GPR149: variants seen among roughly 807,000 people sequenced by gnomAD.
GPR149 encodes probable G protein-coupled receptor 149.
In GPR149, 50 loss-of-function variants were observed where a neutral mutation model predicts 50.2. The observed-to-expected ratio is 1.00, with a 90% CI of 0.79 to 1.26. The LOEUF (loss-of-function observed/expected upper bound fraction) is 1.26. Among genes scored for constraint, GPR149 ranks in the 50% most tolerant of loss-of-function variants. The probability of loss-of-function intolerance (pLI) is 0.00; values close to 1 mark genes in which losing one functional copy is unlikely to be tolerated. For missense variants in GPR149, 983 were observed against 895.4 expected (o/e 1.10, Z -1.25); for synonymous variants, 405 against 358.2 (o/e 1.13, Z -1.48).
chr3:154,428,183 G>C (rs1712363997), intron 1 of GPR149, among the ~76,000 whole-genome samples: 1 of 152,144 alleles, frequency 6.6e-6, no homozygotes, highest in Non-Finnish European at 1.5e-5. Flanking sequence ...CTCCACAACT[G>C]ATCTCTCCTC....
chr3:154,367,654 C>T (rs1173928242), intron 3 of GPR149, among the ~76,000 whole-genome samples: 1 of 152,208 alleles, frequency 6.6e-6, no homozygotes, highest in South Asian at 2.1e-4. Context: ...GGGACACCTT[C>T]CATGCTGTGG....
intron 3 of GPR149, among the ~76,000 whole-genome samples, chr3:154,338,746 C>T (rs1279234259): frequency 6.6e-6 from 1 of 151,814 alleles, no homozygotes. Context: ...AATTGTGAAA[C>T]GGTGGCTTAA....
intron 3 of GPR149, among the ~76,000 whole-genome samples, chr3:154,363,532 A>AT (rs772694076): frequency 2.0e-5 from 3 of 152,064 alleles, no homozygotes; most frequent in Non-Finnish European, 4.4e-5. Flanking sequence ...TTCAACCTTG[A>AT]GCCCATTTAT....
intron 2 of GPR149, among the ~76,000 whole-genome samples, chr3:154,421,743 T>C (rs1488395123): frequency 2.0e-5 from 3 of 151,880 alleles, no homozygotes; most frequent in African/African-American, 7.2e-5. Context: ...TTTCAGTCTC[T>C]AAAGAAGCCT....
chr3:154,356,451 T>C (rs1382159229), intron 3 of GPR149, among the ~76,000 whole-genome samples: 1 of 152,138 alleles, frequency 6.6e-6, no homozygotes, highest in African/African-American at 2.4e-5. Context: ...CAGCCCAAAA[T>C]CTTCTTAAGC....
intron 3 of GPR149, among the ~76,000 whole-genome samples, chr3:154,341,979 C>G (rs1206720756): frequency 1.3e-5 from 2 of 152,094 alleles, no homozygotes; most frequent in African/African-American, 4.8e-5. Context: ...ATGAGTTAAT[C>G]AAATAAACTT....
intron 3 of GPR149, among the ~76,000 whole-genome samples, chr3:154,367,726 A>G (rs1714563627): frequency 6.6e-6 from 1 of 152,058 alleles, no homozygotes; most frequent in Non-Finnish European, 1.5e-5. Context: ...GGTCTGATCC[A>G]TGTCTCTCTC....
intron 3 of GPR149, among the ~76,000 whole-genome samples, chr3:154,375,536 T>C (rs1714772251): frequency 6.6e-6 from 1 of 152,234 alleles, no homozygotes; most frequent in African/African-American, 2.4e-5. Flanking sequence ...TACTGAAATT[T>C]ATCATGAATA....
Position 154,336,990 on chromosome 3 carries a change from A to G in GPR149, c.*709T>C, listed in dbSNP as rs1285306301. Reference sequence around the variant, plus strand: ...AATGTTTGAGTTAAAGATACTTCTAATTCCACCTCTAACACACAATATATT... The same window carrying G: ...AATGTTTGAGTTAAAGATACTTCTAGTTCCACCTCTAACACACAATATATT... On this transcript the variant is annotated 3_prime_UTR_variant, in exon 4 of 4. Transcript: ENST00000389740. 1 of 152,142 alleles carries G rather than the reference A, an allele frequency of 6.6e-6. No homozygotes were observed. The highest frequency in any genetic ancestry group is 1.9e-4 in the East Asian group (1 of 5,198). 9.4% of individuals were successfully genotyped at this position (152,142 alleles called of 1,614,324 possible). A position where few individuals can be genotyped will look rare whatever the true frequency, so the allele number is the denominator to read the frequency against.
rs2108380582 is a variant in GPR149, at chr3:154,335,789, A to C, written c.*1910T>G. ...GTTATAAAGAATTTGTTTGCCTTCAAATCTTTGCTATTTTCTTCAGCTTTA... is the reference window on the plus strand; with the variant it reads ...GTTATAAAGAATTTGTTTGCCTTCACATCTTTGCTATTTTCTTCAGCTTTA... On this transcript the variant is annotated 3_prime_UTR_variant, in exon 4 of 4. Coordinates refer to ENST00000389740, the MANE Select transcript of GPR149 (RefSeq NM_001038705.3). 6.6e-6 allele frequency: 1 copy of C among 150,558 alleles called. No homozygotes were observed. The highest frequency in any genetic ancestry group is 2.1e-4 in the South Asian group (1 of 4,816). The allele number at this position is 150,558 out of a possible 1,614,324, so 9.3% of individuals were successfully genotyped here.
At chr3:154,387,572 T>C in intron 3 of GPR149, among the ~76,000 whole-genome samples, 1 of 152,184 alleles carries the variant, frequency 6.6e-6, no homozygotes, top group East Asian at 1.9e-4. Flanking sequence ...TCCTTCAATT[T>C]TGGTAGAGTA....
chr3:154,352,744 C>T (rs1236103953), intron 3 of GPR149: 5 of 789,492 alleles, frequency 6.3e-6, no homozygotes, highest in Admixed American at 1.7e-5. Context: ...AGTCAGAAAC[C>T]TGATGGTATC....
intron 3 of GPR149, among the ~76,000 whole-genome samples, chr3:154,399,597 T>G (rs1715373923): frequency 6.6e-6 from 1 of 152,190 alleles, no homozygotes; most frequent in Admixed American, 6.5e-5. Context: ...AACTTAAGTC[T>G]TCACATTGGA....
intron 3 of GPR149, among the ~76,000 whole-genome samples, chr3:154,357,375 T>C (rs1309694347): frequency 1.1e-4 from 16 of 152,034 alleles, no homozygotes; most frequent in Middle Eastern, 3.4e-3. Flanking sequence ...CAAAAGAAAC[T>C]ACCATCAGAG....
chr3:154,372,091 A>G (rs1714679193), intron 3 of GPR149, among the ~76,000 whole-genome samples: 1 of 152,052 alleles, frequency 6.6e-6, no homozygotes, highest in Non-Finnish European at 1.5e-5. Flanking sequence ...AGCCAGAACG[A>G]CTGCCGTCCA....
At chr3:154,375,375 T>G (rs1038690318) in intron 3 of GPR149, among the ~76,000 whole-genome samples, 6 of 152,168 alleles carry the variant, frequency 3.9e-5, no homozygotes, top group Admixed American at 3.9e-4. Flanking sequence ...TCATAGCCTA[T>G]CACAGGGCAT....
chr3:154,421,759 A>G (rs1712152459), intron 2 of GPR149, among the ~76,000 whole-genome samples: 1 of 151,892 alleles, frequency 6.6e-6, no homozygotes, highest in Non-Finnish European at 1.5e-5. Flanking sequence ...AGCCTTACAT[A>G]ACAAAAACTT....
chr3:154,427,778 G>C, intron 1 of GPR149, 70 bp from the exon 2 acceptor site: 2 of 1,380,846 alleles, frequency 1.4e-6, no homozygotes, highest in Non-Finnish European at 2.0e-6. Flanking sequence ...TTTTCTCCAC[G>C]CACGCTGCCT....
At chr3:154,384,401 C>A (rs1338462634) in intron 3 of GPR149, among the ~76,000 whole-genome samples, 2 of 152,162 alleles carry the variant, frequency 1.3e-5, no homozygotes, top group Non-Finnish European at 2.9e-5. Context: ...CTGTTCTAAA[C>A]AACATCAGTG....
Sources: gnomAD v4.1 joint callset for allele counts (sites outside exome capture counted in the v4.1 genomes callset) on GRCh38, gnomAD v4.1.1 for gene constraint, MANE v1.5 for transcripts, NCBI Gene and HGNC (gene_info 2026-07-23, HGNC 2026-07-21) for gene names.